The following KMT2C variants were observed in gnomAD, a reference collection of about 807,000 sequenced individuals.
The protein encoded by KMT2C is histone-lysine N-methyltransferase 2C.
KMT2C carries 88 observed loss-of-function variants against 507.9 expected under a neutral mutation model. The observed-to-expected ratio is 0.17, with a 90% confidence interval of 0.15 to 0.21. KMT2C has a LOEUF of 0.21. KMT2C is among the 10% of genes least tolerant of loss of function. KMT2C has a pLI of 1.00. For missense variants in KMT2C, 4,954 were observed against 5,957.8 expected, an observed-to-expected ratio of 0.83 and a Z score of 5.55; for synonymous variants, 2,049 against 2,080.8, an observed-to-expected ratio of 0.98 and a Z score of 0.42.
At chr7:152,356,799 G>A (rs1589413477) in intron 2 of KMT2C, among the ~76,000 whole-genome samples, 1 of 150,904 alleles carries the variant, frequency 6.6e-6, no homozygotes, top group East Asian at 1.9e-4. Context: ...ACTGAGGCAG[G>A]AGAATCACTG....
chr7:152,322,529 C>A (rs2096781704), intron 3 of KMT2C, among the ~76,000 whole-genome samples: 1 of 151,970 alleles, frequency 6.6e-6, no homozygotes, highest in Admixed American at 6.5e-5. Flanking sequence ...TAAAATCATA[C>A]CCTTGTCTCA....
At chr7:152,171,650 G>A (rs2092967825) in intron 39 of KMT2C, among the ~76,000 whole-genome samples, 1 of 152,182 alleles carries the variant, frequency 6.6e-6, no homozygotes, top group Non-Finnish European at 1.5e-5. Flanking sequence ...GCTGACTCTA[G>A]AGGTTTTACT....
chr7:152,233,443 G>C (rs1386782539), intron 16 of KMT2C, among the ~76,000 whole-genome samples: 2 of 151,974 alleles, frequency 1.3e-5, no homozygotes, highest in Non-Finnish European at 1.5e-5. Context: ...GCAGGGACAC[G>C]TAAGAGTAAA....
intron 1 of KMT2C, among the ~76,000 whole-genome samples, chr7:152,430,886 G>C (rs2097857644): frequency 1.3e-5 from 2 of 152,148 alleles, no homozygotes; most frequent in African/African-American, 4.8e-5. Context: ...GAAGGTCAAT[G>C]AAGTTTCACG....
chr7:152,245,061 A>G (rs2095447347), intron 14 of KMT2C, among the ~76,000 whole-genome samples: 2 of 152,194 alleles, frequency 1.3e-5, no homozygotes, highest in African/African-American at 4.8e-5. Flanking sequence ...ATATTGGGTT[A>G]TTTGGATTAT....
At chr7:152,185,280 A>G (rs1170270796) in intron 34 of KMT2C, among the ~76,000 whole-genome samples, 1 of 152,204 alleles carries the variant, frequency 6.6e-6, no homozygotes, top group Non-Finnish European at 1.5e-5. Context: ...TGCTGAAGAG[A>G]TAAAACAATT....
At chr7:152,150,400 C>T (rs1416335379) in intron 51 of KMT2C, among the ~76,000 whole-genome samples, 2 of 152,068 alleles carry the variant, frequency 1.3e-5, no homozygotes, top group African/African-American at 4.8e-5. Context: ...GGGCGGATCA[C>T]GAGGTCAGGA....
chr7:152,413,071 G>GA (rs11335639), intron 1 of KMT2C, among the ~76,000 whole-genome samples: 1,589 of 151,714 alleles, frequency 0.01, 8 homozygotes, highest in Non-Finnish European at 0.016. Flanking sequence ...ACACTTCTGA[G>GA]AAAAAAAACA....
chr7:152,431,513 G>T (rs1449373234), intron 1 of KMT2C, among the ~76,000 whole-genome samples: 1 of 151,844 alleles, frequency 6.6e-6, no homozygotes, highest in Non-Finnish European at 1.5e-5. Flanking sequence ...GGCTGAGACA[G>T]GAGAATCACT....
chr7:152,324,796 T>C (rs1396841947), intron 3 of KMT2C, among the ~76,000 whole-genome samples: 5 of 151,966 alleles, frequency 3.3e-5, no homozygotes, highest in South Asian at 2.1e-4. Flanking sequence ...TAGTGTAATT[T>C]TGTCTCCAAA....
rs376309362 is a variant in KMT2C, at chr7:152,358,681, G to GAA, written c.162-8_162-7dup. The GAA allele has an allele frequency of 3.7e-3, 4,497 of 1,230,482 alleles. No homozygotes were observed. Among genetic ancestry groups the GAA allele is most frequent in the South Asian group, 6.6e-3 (454 of 68,466 alleles). The allele number at this position is 1,230,482 out of a possible 1,614,324, so 76.2% of individuals were successfully genotyped here. A position where few individuals can be genotyped will look rare whatever the true frequency, so the allele number is the denominator to read the frequency against. ...TTTTCCCCCTACTTCGAGGTCTACA[G>GAA]AAAAAAAAAAAAATAATAAGTACAT... On this transcript the variant is annotated splice_region_variant and splice_polypyrimidine_tract_variant and intron_variant, in intron 1 of 58. Transcript: ENST00000262189.
chr7:152,149,146 T>C lies in KMT2C; in HGVS notation c.12781A>G (p.Ile4261Val), dbSNP rs2091397464. ...QAKNSENKES[I>V]PSLPQSPMRE... ...ATAGGTGATTGTGGCAATGAAGGAA[T>C]GGATTCCTGGGCAACATAAAGAAAC... The change falls in exon 52 of 59, where the codon ATT (isoleucine) becomes GTT (valine). Residue 4261 changes from isoleucine (I) to valine (V), a missense_variant. By Grantham distance (29) the Ile-to-Val change is conservative. Coordinates refer to ENST00000262189, the MANE Select transcript of KMT2C (RefSeq NM_170606.3). 2 of 1,457,658 alleles carry C rather than the reference T, an allele frequency of 1.4e-6. No homozygotes were observed. The highest frequency in any genetic ancestry group is 1.7e-5 in the South Asian group (1 of 58,184). 90.3% of individuals were successfully genotyped at this position (1,457,658 alleles called of 1,614,324 possible).
intron 3 of KMT2C, among the ~76,000 whole-genome samples, chr7:152,322,743 T>A (rs901856389): frequency 3.3e-5 from 5 of 151,896 alleles, no homozygotes; most frequent in African/African-American, 1.2e-4. Flanking sequence ...AATGAAAATA[T>A]TAACAAAGTA....
At chr7:152,323,976 A>G (rs900169713) in intron 3 of KMT2C, among the ~76,000 whole-genome samples, 3 of 151,906 alleles carry the variant, frequency 2.0e-5, no homozygotes, top group Admixed American at 1.3e-4. Flanking sequence ...TAGAATCTAA[A>G]AAAGTTGAAC....
intron 2 of KMT2C, among the ~76,000 whole-genome samples, chr7:152,358,380 A>G (rs191637791): frequency 4.8e-4 from 73 of 152,296 alleles, no homozygotes; most frequent in Non-Finnish European, 8.1e-4. Context: ...TAATTATACT[A>G]AACCAGGGCT....
In KMT2C at chr7:152,249,877, A is replaced by G. The variant is rs1225668198; in HGVS notation, c.1812T>C (p.Ala604=). 3.2e-6 allele frequency: 5 copies of G among 1,563,934 alleles called. No homozygotes were observed. In the East Asian group the frequency reaches 1.1e-4, roughly 35 times the overall value. ...ESLDTDSLLI[A]VSSQHTVNTE... is the part of the protein sequence containing the mutation. ...AGACAATATGAACATACTGCTTACC[A>G]GCAATAAGAAGACTATCTGTGTCAA... Residue 604 remains alanine (A), a splice_region_variant and synonymous_variant, in exon 13 of 59, where the codon GCT becomes GCC. Coordinates refer to ENST00000262189, the MANE Select transcript of KMT2C (RefSeq NM_170606.3).
chr7:152,191,984 C>T (rs973591536), intron 31 of KMT2C, among the ~76,000 whole-genome samples: 2 of 151,382 alleles, frequency 1.3e-5, no homozygotes, highest in Admixed American at 1.3e-4. Context: ...TTACAAACTC[C>T]TAAGGGTAGG....
At chr7:152,375,762 A>C (rs570482137) in intron 1 of KMT2C, among the ~76,000 whole-genome samples, 1 of 152,170 alleles carries the variant, frequency 6.6e-6, no homozygotes, top group South Asian at 2.1e-4. Context: ...GTAATCCTCA[A>C]AGTATTTTGA....
chr7:152,148,995 G>A lies in KMT2C; in HGVS notation c.12932C>T (p.Pro4311Leu). ...CTCGACTTGGGCTGCTTCAAAAGCA[G>A]GAGGGAAGGCGATGGGTGGTGAGGC... ...PPASPPIAFPPAFEAAQVEAK... is the reference protein window; with the variant it reads ...PPASPPIAFPLAFEAAQVEAK... Residue 4311 changes from proline (P) to leucine (L), a missense_variant, in exon 52 of 59, where the codon CCT becomes CTT. By Grantham distance (98) the Pro-to-Leu change is moderately conservative. Transcript: ENST00000262189. The surrounding 1 kb of genome is among the most constrained non-coding windows in gnomAD (Gnocchi z 7.1). The A allele has an allele frequency of 6.4e-7, 1 of 1,570,426 alleles. No homozygotes were observed.
Sources: allele counts gnomAD v4.1 joint callset (sites outside exome capture counted in the v4.1 genomes callset), GRCh38; gene constraint gnomAD v4.1.1; non-coding constraint Gnocchi (gnomAD v3.1); transcripts MANE v1.5; gene names NCBI Gene and HGNC (gene_info 2026-07-23, HGNC 2026-07-21).